PPARGC1A: variants seen among roughly 807,000 people sequenced by gnomAD.
The protein encoded by PPARGC1A is PPARG coactivator 1 alpha, also known as peroxisome proliferator-activated receptor gamma coactivator 1-alpha.
In PPARGC1A, 25 loss-of-function variants were observed where a neutral mutation model predicts 88.7. That is an observed-to-expected ratio of 0.28 (90% CI 0.21 to 0.39). PPARGC1A has a LOEUF of 0.39. Among genes scored for constraint, PPARGC1A ranks in the 10% least tolerant of loss-of-function variants. The pLI is 1.00. For synonymous variants in PPARGC1A, 363 were observed against 355.6 expected (o/e 1.02, Z -0.24); for missense variants, 880 against 968.7 (o/e 0.91, Z 1.22).
At chr4:24,362,571 A>G in the PPARGC1A span, among the ~76,000 whole-genome samples, 3 of 152,338 alleles carry the variant, frequency 2.0e-5, no homozygotes, top group African/African-American at 7.2e-5. Flanking sequence ...GGAGCCAATG[A>G]CAGGCCACAT....
At position 23,856,064 on chromosome 4, in the gene PPARGC1A, G is replaced by A. The variant is rs1033728144; in HGVS notation, c.235-24313C>T. Among the ~76,000 whole-genome samples the A allele has an allele frequency of 2.6e-5, 4 of 152,180 alleles. No homozygotes were observed. The East Asian group carries it at 7.7e-4, about 29-fold the overall frequency. On this transcript the variant is annotated intron_variant, in intron 2 of 12. Coordinates refer to ENST00000264867, the MANE Select transcript of PPARGC1A (RefSeq NM_013261.5). Reference sequence around the variant, plus strand: ...ACTATCCCCAGGTTCTCCCACCATGGACAAAAAGTGACATTTGGAAATGTG... The same window carrying A: ...ACTATCCCCAGGTTCTCCCACCATGAACAAAAAGTGACATTTGGAAATGTG...
At chr4:24,164,350 A>C in the PPARGC1A span, among the ~76,000 whole-genome samples, 2 of 152,192 alleles carry the variant, frequency 1.3e-5, no homozygotes, top group Non-Finnish European at 2.9e-5. Context: ...TCCAATAAGC[A>C]GCACAAACAC....
the PPARGC1A span, among the ~76,000 whole-genome samples, chr4:24,061,055 GGAAAA>G: frequency 2.1e-5 from 3 of 145,644 alleles, no homozygotes; most frequent in African/African-American, 7.6e-5. Flanking sequence ...TATTTGTTCT[GGAAAA>G]AAAAAGAAAA....
chr4:24,225,197 A>G, the PPARGC1A span, among the ~76,000 whole-genome samples: 2 of 152,224 alleles, frequency 1.3e-5, no homozygotes, highest in Non-Finnish European at 2.9e-5. Flanking sequence ...GAAAGGAAAG[A>G]ATCAGTGAGG....
chr4:24,357,625 A>T, the PPARGC1A span, among the ~76,000 whole-genome samples: 2 of 152,124 alleles, frequency 1.3e-5, no homozygotes, highest in Non-Finnish European at 2.9e-5. Flanking sequence ...CTGTGTCCCC[A>T]CCCAAATCTC....
chr4:24,457,522 C>T, the PPARGC1A span, among the ~76,000 whole-genome samples: 11 of 137,280 alleles, frequency 8.0e-5, no homozygotes, highest in Admixed American at 2.9e-4. Flanking sequence ...ACAAAAGATA[C>T]TGTTTTTTGT....
At chr4:24,072,892 T>C in the PPARGC1A span, among the ~76,000 whole-genome samples, 1 of 152,198 alleles carries the variant, frequency 6.6e-6, no homozygotes, top group Non-Finnish European at 1.5e-5. Flanking sequence ...TTATAGATTT[T>C]TTCTCTCATT....
the PPARGC1A span, among the ~76,000 whole-genome samples, chr4:24,093,183 G>A: frequency 2.0e-5 from 3 of 152,154 alleles, no homozygotes; most frequent in Non-Finnish European, 4.4e-5. Flanking sequence ...TGGTGATGAG[G>A]CCAAGAGTTA....
chr4:24,295,357 G>A, the PPARGC1A span, among the ~76,000 whole-genome samples: 2 of 152,020 alleles, frequency 1.3e-5, no homozygotes, highest in Non-Finnish European at 2.9e-5. Flanking sequence ...CTTTTTCAAT[G>A]CTTATGAATA....
rs565035068 is a variant in PPARGC1A at position 23,820,883 on chromosome 4, G to C, written c.877+3397C>G. ...AATTTGTGAGAGTAAAGAAAAAGAA[G>C]ACACCAGAAGGCCTGAGCCAAAGCT... On this transcript the variant is annotated intron_variant, in intron 7 of 12. Transcript: ENST00000264867. Among the ~76,000 whole-genome samples, 3 of 152,228 alleles carry C rather than the reference G, an allele frequency of 2.0e-5. No individual in the cohort carries two copies. In the South Asian group the frequency reaches 6.2e-4, roughly 32 times the overall value.
chr4:24,382,444 G>A, the PPARGC1A span, among the ~76,000 whole-genome samples: 3,615 of 152,230 alleles, frequency 0.024, 52 homozygotes, highest in Middle Eastern at 0.041. Context: ...AAGGCAGGAA[G>A]TAAGGGAGGG....
chr4:24,323,019 T>C, the PPARGC1A span, among the ~76,000 whole-genome samples: 15 of 152,300 alleles, frequency 9.8e-5, no homozygotes, highest in South Asian at 2.1e-4. Context: ...AACAATTTTT[T>C]TGAGCATGGG....
the PPARGC1A span, among the ~76,000 whole-genome samples, chr4:24,137,495 A>G: frequency 6.6e-6 from 1 of 152,188 alleles, no homozygotes; most frequent in African/African-American, 2.4e-5. Context: ...GCTAGTTCCC[A>G]TTCCACTCTC....
upstream of PPARGC1A, among the ~76,000 whole-genome samples, chr4:23,890,998 C>T (rs1396132987): frequency 6.6e-6 from 1 of 151,994 alleles, no homozygotes; most frequent in Non-Finnish European, 1.5e-5. Context: ...GTGTAGTTTG[C>T]GTTTTGAAAT....
chr4:24,296,183 ATGTG>A, the PPARGC1A span, among the ~76,000 whole-genome samples: 5 of 147,470 alleles, frequency 3.4e-5, no homozygotes, highest in East Asian at 2.0e-4. Context: ...ATGTGTGTGT[ATGTG>A]TGTATGTGTG....
the PPARGC1A span, among the ~76,000 whole-genome samples, chr4:24,093,927 C>T: frequency 6.6e-6 from 1 of 152,114 alleles, no homozygotes; most frequent in Non-Finnish European, 1.5e-5. Context: ...TATCTAGTTC[C>T]CCTCTGCTTC....
intron 2 of PPARGC1A, among the ~76,000 whole-genome samples, chr4:23,855,754 G>A (rs1039746994): frequency 6.6e-6 from 1 of 152,102 alleles, no homozygotes; most frequent in Non-Finnish European, 1.5e-5. Flanking sequence ...AGAATGTAAA[G>A]CTTCTACAGG....
chr4:23,946,351 CAAGA>C, the PPARGC1A span, among the ~76,000 whole-genome samples: 138 of 152,202 alleles, frequency 9.1e-4, 1 homozygote, highest in African/African-American at 3.2e-3. Context: ...AATGAAAGCA[CAAGA>C]AAGAAATTCA....
the PPARGC1A span, among the ~76,000 whole-genome samples, chr4:24,153,266 C>G: frequency 6.6e-6 from 1 of 151,934 alleles, no homozygotes; most frequent in East Asian, 1.9e-4. Flanking sequence ...GAATTTGCAC[C>G]AAACACTGAC....
Sources: allele counts gnomAD v4.1 joint callset (sites outside exome capture counted in the v4.1 genomes callset), GRCh38; gene constraint gnomAD v4.1.1; transcripts MANE v1.5; gene names NCBI Gene and HGNC (gene_info 2026-07-23, HGNC 2026-07-21).